Variants in KCNN3 observed in about 807,000 individuals in gnomAD.
The protein encoded by KCNN3 is potassium calcium-activated channel subfamily N member 3.
Under a neutral mutation model 62.9 loss-of-function variants are expected in KCNN3, and 16 were observed. That is an observed-to-expected ratio of 0.25 (90% CI 0.17 to 0.39). The LOEUF (loss-of-function observed/expected upper bound fraction) is 0.39. Among genes scored for constraint, KCNN3 ranks in the 10% least tolerant of loss-of-function variants. The pLI, the probability that KCNN3 is intolerant of heterozygous loss-of-function variation, is 1.00. For missense variants in KCNN3, 599 were observed against 949.4 expected (o/e 0.63, Z 4.85); for synonymous variants, 370 against 389.2 (o/e 0.95, Z 0.58).
chr1:154,818,320 G>A (rs762684941), intron 2 of KCNN3, among the ~76,000 whole-genome samples: 25 of 152,262 alleles, frequency 1.6e-4, no homozygotes, highest in South Asian at 8.3e-4. Context: ...CAAGTTCCAG[G>A]GAGGCTGCCT....
chr1:154,813,404 C>T (rs996121041), intron 2 of KCNN3, among the ~76,000 whole-genome samples: 5 of 152,186 alleles, frequency 3.3e-5, no homozygotes, highest in Admixed American at 6.5e-5. Flanking sequence ...TTCAGCCTCC[C>T]GGGCCGCCTC....
At chr1:154,754,536 A>G (rs1647538730) in intron 3 of KCNN3, among the ~76,000 whole-genome samples, 1 of 152,230 alleles carries the variant, frequency 6.6e-6, no homozygotes, top group African/African-American at 2.4e-5. Context: ...TGAAAGTGAC[A>G]TGTGTTACTT....
rs1650313720 is a variant in KCNN3, at chr1:154,809,543, G to T, written c.1029+12546C>A. On this transcript the variant is annotated intron_variant, in intron 2 of 7. Coordinates refer to ENST00000271915, the MANE Select transcript of KCNN3 (RefSeq NM_002249.6). This position sits in a 1 kb window ranked among gnomAD's most constrained non-coding sequence, Gnocchi z 4.3. Reference sequence around the variant, plus strand: ...CAAAGAAAGTTTACCTCCCAGATTTGACTTCTGGTTCGACATTTGTATCAA... The same window carrying T: ...CAAAGAAAGTTTACCTCCCAGATTTTACTTCTGGTTCGACATTTGTATCAA... Among the ~76,000 whole-genome samples, 1 of 152,176 alleles carries T rather than the reference G, an allele frequency of 6.6e-6. No homozygotes were observed. The highest frequency in any genetic ancestry group is 2.1e-4 in the South Asian group (1 of 4,834).
intron 6 of KCNN3, among the ~76,000 whole-genome samples, chr1:154,714,625 GTGT>G (rs1700195136): frequency 7.9e-6 from 1 of 127,366 alleles, no homozygotes; most frequent in African/African-American, 3.2e-5. Context: ...GTGTGTGTGT[GTGT>G]GTGTGTGTGT....
chr1:154,786,992 A>AT (rs764028487), intron 2 of KCNN3, among the ~76,000 whole-genome samples: 24 of 152,166 alleles, frequency 1.6e-4, no homozygotes, highest in Non-Finnish European at 2.8e-4. Flanking sequence ...AGCCCCCAGG[A>AT]TTTTATGAAT....
chr1:154,760,589 C>T (rs1170314252), intron 3 of KCNN3, among the ~76,000 whole-genome samples: 1 of 152,212 alleles, frequency 6.6e-6, no homozygotes, highest in African/African-American at 2.4e-5. Flanking sequence ...ACCTGGCCCT[C>T]CCTGCGCCCC....
chr1:154,797,866 T>C (rs550429935), intron 2 of KCNN3, among the ~76,000 whole-genome samples: 1 of 152,314 alleles, frequency 6.6e-6, no homozygotes, highest in East Asian at 1.9e-4. Flanking sequence ...TGTGGACTTT[T>C]AGGTGTCTTC....
At chr1:154,800,743 C>G (rs1342049621) in intron 2 of KCNN3, among the ~76,000 whole-genome samples, 1 of 152,120 alleles carries the variant, frequency 6.6e-6, no homozygotes, top group Non-Finnish European at 1.5e-5. Context: ...TAGGAGGAAA[C>G]AGATTAGGAC....
At chr1:154,814,437 A>G (rs1297688156) in intron 2 of KCNN3, among the ~76,000 whole-genome samples, 1 of 148,978 alleles carries the variant, frequency 6.7e-6, no homozygotes, top group Non-Finnish European at 1.5e-5. Flanking sequence ...CAACCAACAT[A>G]AGACACGCAG....
intron 2 of KCNN3, among the ~76,000 whole-genome samples, chr1:154,793,330 T>C (rs960116311): frequency 2.0e-5 from 3 of 152,130 alleles, no homozygotes; most frequent in African/African-American, 7.2e-5. Context: ...CAAATGTCTG[T>C]TCCTTGGTAA....
chr1:154,783,490 A>G (rs1039611543), intron 2 of KCNN3, among the ~76,000 whole-genome samples: 8 of 99,726 alleles, frequency 8.0e-5, no homozygotes, highest in Non-Finnish European at 1.8e-4. Flanking sequence ...ACAGGCCTCT[A>G]TGGAGACCTG....
intron 2 of KCNN3, among the ~76,000 whole-genome samples, chr1:154,774,007 C>T (rs1472866445): frequency 6.6e-6 from 1 of 152,166 alleles, no homozygotes; most frequent in Non-Finnish European, 1.5e-5. Flanking sequence ...ACACTACTGG[C>T]TCCATGATCC....
chr1:154,790,886 G>C (rs932404318), intron 2 of KCNN3, among the ~76,000 whole-genome samples: 5 of 152,296 alleles, frequency 3.3e-5, no homozygotes, highest in Non-Finnish European at 7.4e-5. Context: ...GAGATTGTTT[G>C]CACATCAATA....
At chr1:154,855,693 C>T (rs1002315808) in intron 1 of KCNN3, among the ~76,000 whole-genome samples, 9 of 152,204 alleles carry the variant, frequency 5.9e-5, no homozygotes, top group East Asian at 1.9e-4. Flanking sequence ...GCGTCCCCGT[C>T]GTTGCAACGC....
At chr1:154,819,484 A>G (rs1312020644) in intron 2 of KCNN3, among the ~76,000 whole-genome samples, 1 of 152,204 alleles carries the variant, frequency 6.6e-6, no homozygotes, top group African/African-American at 2.4e-5. Flanking sequence ...TAGGGAAGAA[A>G]GACACCCAAC....
chr1:154,839,116 A>G (rs997829938), intron 1 of KCNN3, among the ~76,000 whole-genome samples: 4 of 152,204 alleles, frequency 2.6e-5, no homozygotes, highest in Non-Finnish European at 5.9e-5. Context: ...TGGTGCTGAC[A>G]CAGGTCGCTG....
intron 3 of KCNN3, among the ~76,000 whole-genome samples, chr1:154,751,954 G>A (rs1481477032): frequency 6.6e-6 from 1 of 152,150 alleles, no homozygotes; most frequent in Non-Finnish European, 1.5e-5. Flanking sequence ...AAATGAAAGA[G>A]CCCAGACAGT....
intron 2 of KCNN3, among the ~76,000 whole-genome samples, chr1:154,793,819 G>A (rs147441200): frequency 4.1e-4 from 62 of 152,204 alleles, no homozygotes; most frequent in African/African-American, 1.3e-3. Flanking sequence ...TTGGAAACCC[G>A]ACCTGCCCCA....
intron 3 of KCNN3, among the ~76,000 whole-genome samples, chr1:154,771,706 G>C (rs1016551463): frequency 6.6e-6 from 1 of 152,212 alleles, no homozygotes; most frequent in African/African-American, 2.4e-5. Context: ...GATGTAACCA[G>C]AATGCTTTGA....
Sources: gnomAD v4.1 joint callset for allele counts (sites outside exome capture counted in the v4.1 genomes callset) on GRCh38, gnomAD v4.1.1 for gene constraint, Gnocchi (gnomAD v3.1) non-coding constraint, MANE v1.5 for transcripts, NCBI Gene and HGNC (gene_info 2026-07-23, HGNC 2026-07-21) for gene names.